Variants in CC2D2B observed in about 807,000 individuals in gnomAD.
CC2D2B encodes protein CC2D2B.
A neutral mutation model predicts 161.2 loss-of-function variants in CC2D2B; 128 were observed. The ratio of observed to expected loss-of-function variants is 0.79; its 90% CI spans 0.69 to 0.92. The LOEUF is 0.92. CC2D2B is among the 40% of genes least tolerant of loss of function. The probability of loss-of-function intolerance (pLI) is 0.00; values close to 1 mark genes in which losing one functional copy is unlikely to be tolerated. For synonymous variants in CC2D2B, 391 were observed against 449.8 expected, an observed-to-expected ratio of 0.87 and a Z score of 1.65; for missense variants, 1,173 against 1,375.1, an observed-to-expected ratio of 0.85 and a Z score of 2.32.
intron 34 of CC2D2B, among the ~76,000 whole-genome samples, chr10:96,029,714 TA>T (rs1473474864): frequency 6.6e-6 from 1 of 152,146 alleles, no homozygotes; most frequent in African/African-American, 2.4e-5. Context: ...TCTTTGCATA[TA>T]ATCTATGTAC....
intron 6 of CC2D2B, among the ~76,000 whole-genome samples, chr10:95,929,405 T>C (rs2098545587): frequency 1.3e-5 from 2 of 152,218 alleles, no homozygotes; most frequent in Non-Finnish European, 2.9e-5. Context: ...TTTAATTAGA[T>C]CCCATTTGTC....
At position 95,926,862 on chromosome 10, in the gene CC2D2B, G is replaced by GTGTC. The variant is rs1554829019; in HGVS notation, c.241-372_241-371insCTGT. Among the ~76,000 whole-genome samples, 466 of 140,004 alleles carry GTGTC rather than the reference G, an allele frequency of 3.3e-3. 4 individuals are homozygous for GTGTC. Among genetic ancestry groups the GTGTC allele is most frequent in the African/African-American group, 0.011 (441 of 39,418 alleles). The allele number at this position is 140,004 out of a possible 152,430, so 91.8% of individuals were successfully genotyped here. On this transcript the variant is annotated intron_variant, in intron 5 of 34. Transcript: ENST00000646931. ...TGTGTGTGTGTCTGTGTGTGTGTGT[G>GTGTC]TGTGTGTGTGTGCGCGCGCCTGAAC...
intron 11 of CC2D2B, among the ~76,000 whole-genome samples, chr10:95,961,136 A>G (rs1358761446): frequency 1.3e-5 from 2 of 152,188 alleles, no homozygotes; most frequent in African/African-American, 4.8e-5. Flanking sequence ...CTGAATAGAT[A>G]GCAAGCACAA....
intron 14 of CC2D2B, among the ~76,000 whole-genome samples, chr10:95,968,100 TC>T (rs1206320616): frequency 2.6e-5 from 4 of 152,170 alleles, no homozygotes; most frequent in African/African-American, 9.7e-5. Flanking sequence ...AACAAGTGTT[TC>T]CCCCAGGGAA....
intron 16 of CC2D2B, among the ~76,000 whole-genome samples, chr10:95,973,807 G>A (rs927966498): frequency 1.3e-5 from 2 of 150,136 alleles, no homozygotes; most frequent in Non-Finnish European, 2.9e-5. Context: ...GTTGCAGGGA[G>A]CTGAGATTGC....
intron 9 of CC2D2B, among the ~76,000 whole-genome samples, chr10:95,943,533 C>T (rs1168979551): frequency 6.6e-6 from 1 of 152,124 alleles, no homozygotes; most frequent in East Asian, 1.9e-4. Context: ...CTGCTGACTT[C>T]TTAATTTTAC....
chr10:95,980,928 A>G (rs1464621562), intron 17 of CC2D2B, among the ~76,000 whole-genome samples: 1 of 152,220 alleles, frequency 6.6e-6, no homozygotes, highest in Non-Finnish European at 1.5e-5. Context: ...CTAGTTACAC[A>G]TGATAAGACA....
At chr10:96,013,458 CAT>C (rs2079072609) in intron 28 of CC2D2B, among the ~76,000 whole-genome samples, 1 of 149,118 alleles carries the variant, frequency 6.7e-6, no homozygotes, top group East Asian at 1.9e-4. Context: ...AATGTGGAAA[CAT>C]ATTATTGTAA....
rs138093993 is a variant in CC2D2B at position 96,021,354 on chromosome 10, A to G, written c.3888+1530A>G. 9.8e-5 allele frequency: 15 copies of G among 152,372 alleles called. No individual in the cohort carries two copies. The East Asian group carries it at 2.7e-3, about 27-fold the overall frequency. The allele number at this position is 152,372 out of a possible 1,614,324, so 9.4% of individuals were successfully genotyped here. On this transcript the variant is annotated intron_variant, in intron 32 of 34. Transcript: ENST00000646931. ...AACAGTTCATCAACTAGAAATCAGTACATGAGTTGTGAAGTACTTATACAA... is the reference window on the plus strand; with the variant it reads ...AACAGTTCATCAACTAGAAATCAGTGCATGAGTTGTGAAGTACTTATACAA...
intron 32 of CC2D2B, among the ~76,000 whole-genome samples, chr10:96,022,185 G>A (rs2079495083): frequency 6.6e-6 from 1 of 152,170 alleles, no homozygotes; most frequent in Non-Finnish European, 1.5e-5. Context: ...GCTGAATGTG[G>A]TGGTGCACAC....
chr10:95,993,886 T>TAG (rs1214583627), intron 22 of CC2D2B, among the ~76,000 whole-genome samples: 5 of 99,372 alleles, frequency 5.0e-5, no homozygotes, highest in Admixed American at 2.2e-4. Flanking sequence ...TATATATATA[T>TAG]ATAGAGAGAG....
chr10:95,960,208 T>C (rs1359699739), intron 11 of CC2D2B, among the ~76,000 whole-genome samples: 2 of 152,200 alleles, frequency 1.3e-5, no homozygotes, highest in Admixed American at 6.5e-5. Flanking sequence ...ACACTTCTTA[T>C]GGCATTTACT....
Position 95,987,238 on chromosome 10 carries a change from C to G in CC2D2B, c.2287-1012C>G, listed in dbSNP as rs368437077. On this transcript the variant is annotated intron_variant, in intron 19 of 34. Coordinates refer to ENST00000646931, the MANE Select transcript of CC2D2B (RefSeq NM_001349008.3). ...ACTTGGGAGGCTGAGGCAGGAGAAT[C>G]ACTTGAACCCAGGAGGCAGAGGTTG... Among the ~76,000 whole-genome samples, 4 of 152,066 alleles carry G rather than the reference C, an allele frequency of 2.6e-5. No homozygotes were observed. In the East Asian group the frequency reaches 5.8e-4, roughly 22 times the overall value.
At chr10:96,027,484 T>G in intron 34 of CC2D2B, 95 bp downstream of exon 34, 16 of 801,768 alleles carry the variant, frequency 2.0e-5, no homozygotes, top group Non-Finnish European at 2.9e-5. Context: ...AAAGGCCTTT[T>G]ATCTTGATCC....
intron 32 of CC2D2B, among the ~76,000 whole-genome samples, chr10:96,022,007 G>C (rs553626505): frequency 2.0e-5 from 3 of 152,210 alleles, no homozygotes; most frequent in Admixed American, 2.0e-4. Context: ...AATCAAAGAG[G>C]GCCCAAGTGT....
intron 24 of CC2D2B, chr10:96,000,063 C>T (rs1379087775): frequency 4.7e-6 from 7 of 1,476,930 alleles, no homozygotes; most frequent in Non-Finnish European, 6.3e-6. Flanking sequence ...TAGACTCTTC[C>T]AGTTTTGCCG....
chr10:95,980,001 C>T (rs2077453354), intron 17 of CC2D2B, among the ~76,000 whole-genome samples: 1 of 152,190 alleles, frequency 6.6e-6, no homozygotes, highest in South Asian at 2.1e-4. Context: ...TAAAGCTCGC[C>T]TCTTTCTTGG....
chr10:95,966,737 A>T (rs2076953394), intron 14 of CC2D2B, among the ~76,000 whole-genome samples: 1 of 152,046 alleles, frequency 6.6e-6, no homozygotes, highest in Non-Finnish European at 1.5e-5. Context: ...TGTTAAAGGA[A>T]CTCTGGCTCT....
chr10:96,033,730 T>A lies in CC2D2B; in HGVS notation c.*1722T>A, dbSNP rs1309217950. 6.6e-6 allele frequency among the ~76,000 whole-genome samples: 1 copy of A among 152,204 alleles called. No homozygotes were observed. Among genetic ancestry groups the A allele is most frequent in the Non-Finnish European group, 1.5e-5 (1 of 68,038 alleles). On this transcript the variant is annotated 3_prime_UTR_variant, in exon 35 of 35. Coordinates refer to ENST00000646931, the MANE Select transcript of CC2D2B (RefSeq NM_001349008.3). ...ATGAGTGTTACTTTTTCAATTAAAT[T>A]TTTTCCTGAAAATCATGAAATTATC...
Sources: allele counts gnomAD v4.1 joint callset (sites outside exome capture counted in the v4.1 genomes callset), GRCh38; gene constraint gnomAD v4.1.1; transcripts MANE v1.5; gene names NCBI Gene and HGNC (gene_info 2026-07-23, HGNC 2026-07-21).